Variants in AFG2A observed in about 807,000 individuals in gnomAD.
AFG2A encodes the protein AAA ATPase AFG2A, also known as ATPase family gene 2 protein homolog A.
At chr4:122,929,411 G>A in the AFG2A span, among the ~76,000 whole-genome samples, 1 of 152,218 alleles carries the variant, frequency 6.6e-6, no homozygotes, top group South Asian at 2.1e-4. Context: ...TTACCAATAA[G>A]GGCTGGGCGC....
chr4:123,146,491 G>A, the AFG2A span, among the ~76,000 whole-genome samples: 1 of 152,102 alleles, frequency 6.6e-6, no homozygotes, highest in Non-Finnish European at 1.5e-5. Flanking sequence ...AAAATTTTGA[G>A]GTTCTTGTAT....
chr4:122,980,559 G>A, the AFG2A span, among the ~76,000 whole-genome samples: 1 of 152,204 alleles, frequency 6.6e-6, no homozygotes, highest in Middle Eastern at 3.4e-3. Flanking sequence ...TTAATATTTT[G>A]AGGAACCACC....
the AFG2A span, among the ~76,000 whole-genome samples, chr4:123,144,691 A>G: frequency 6.6e-5 from 10 of 152,230 alleles, no homozygotes; most frequent in South Asian, 2.1e-4. Context: ...AAGTTGGGGG[A>G]AAAGTACTTG....
chr4:123,247,233 G>GTGTGTGTGTGTGTGTA, the AFG2A span, among the ~76,000 whole-genome samples: 1 of 151,850 alleles, frequency 6.6e-6, no homozygotes, highest in African/African-American at 2.4e-5. Flanking sequence ...GCGTGTGTGT[G>GTGTGTGTGTGTGTGTA]TGTGTGTGTG....
the AFG2A span, among the ~76,000 whole-genome samples, chr4:123,312,229 C>T: frequency 0.73 from 111,488 of 152,074 alleles, 41,658 homozygotes; most frequent in Non-Finnish European, 0.8. Flanking sequence ...AATAAATGTT[C>T]CCAACCATTA....
At chr4:122,979,903 CAA>C in the AFG2A span, among the ~76,000 whole-genome samples, 8 of 152,148 alleles carry the variant, frequency 5.3e-5, no homozygotes, top group African/African-American at 1.9e-4. Context: ...GTCTCAAAAA[CAA>C]AAAACAAAAC....
chr4:123,032,497 A>C, the AFG2A span, among the ~76,000 whole-genome samples: 7 of 152,246 alleles, frequency 4.6e-5, no homozygotes, highest in East Asian at 1.4e-3. Context: ...GGTTCAAGCA[A>C]TTCTCTGCCT....
the AFG2A span, among the ~76,000 whole-genome samples, chr4:123,224,928 T>C: frequency 6.6e-6 from 1 of 152,244 alleles, no homozygotes; most frequent in Admixed American, 6.5e-5. Flanking sequence ...TGGTATCTCA[T>C]TGTGGTTTTG....
At chr4:122,968,123 T>C in the AFG2A span, among the ~76,000 whole-genome samples, 3 of 152,182 alleles carry the variant, frequency 2.0e-5, no homozygotes, top group African/African-American at 7.2e-5. Context: ...ACCTTTGTTA[T>C]AATTGATGAG....
the AFG2A span, among the ~76,000 whole-genome samples, chr4:123,187,990 C>T: frequency 9.1e-6 from 1 of 109,420 alleles, no homozygotes. Flanking sequence ...AGAGTGAGGC[C>T]CTATCTCAAA....
At chr4:123,053,434 C>G in the AFG2A span, among the ~76,000 whole-genome samples, 3 of 152,346 alleles carry the variant, frequency 2.0e-5, no homozygotes, top group East Asian at 5.8e-4. Context: ...GGGCTGCTAA[C>G]TGCAGTGAGA....
the AFG2A span, chr4:122,935,817 A>G: frequency 1.9e-6 from 3 of 1,611,708 alleles, no homozygotes; most frequent in South Asian, 2.2e-5. Flanking sequence ...ATGTTTCTGT[A>G]ATTAATGGTC....
chr4:123,145,124 C>T, the AFG2A span, among the ~76,000 whole-genome samples: 40 of 152,094 alleles, frequency 2.6e-4, no homozygotes, highest in Non-Finnish European at 4.9e-4. Flanking sequence ...GAGGCTGTGC[C>T]TTGCATAGAG....
the AFG2A span, among the ~76,000 whole-genome samples, chr4:123,294,595 A>G: frequency 6.6e-6 from 1 of 152,228 alleles, no homozygotes; most frequent in South Asian, 2.1e-4. Flanking sequence ...TGTTGAAGCC[A>G]ACATGCCTGG....
chr4:123,050,212 T>A, the AFG2A span, among the ~76,000 whole-genome samples: 3 of 152,110 alleles, frequency 2.0e-5, no homozygotes, highest in African/African-American at 4.8e-5. Flanking sequence ...AGATTTATTT[T>A]GTGGTTAATG....
At chr4:123,254,045 T>G in the AFG2A span, among the ~76,000 whole-genome samples, 30,562 of 152,134 alleles carry the variant, frequency 0.2, 3,630 homozygotes, top group African/African-American at 0.32. Flanking sequence ...TTAGTCCAGT[T>G]ACTTTGGGTT....
At chr4:123,130,987 G>T in the AFG2A span, among the ~76,000 whole-genome samples, 3 of 151,790 alleles carry the variant, frequency 2.0e-5, no homozygotes, top group Non-Finnish European at 2.9e-5. Context: ...TCTTATTGTG[G>T]TTTTAATCTG....
chr4:123,184,584 T>G, the AFG2A span, among the ~76,000 whole-genome samples: 11 of 120,804 alleles, frequency 9.1e-5, no homozygotes, highest in African/African-American at 1.3e-4. Flanking sequence ...TCGCCCAGGC[T>G]GGAGTGCAGT....
At chr4:123,090,566 CT>C in the AFG2A span, 7 of 1,612,878 alleles carry the variant, frequency 4.3e-6, no homozygotes, top group Non-Finnish European at 5.9e-6. Flanking sequence ...TTAAACCGTA[CT>C]TTCAAAATCA....
Sources: gnomAD v4.1 joint callset for allele counts (sites outside exome capture counted in the v4.1 genomes callset) on GRCh38, gnomAD v4.1.1 for gene constraint, MANE v1.5 for transcripts, NCBI Gene and HGNC (gene_info 2026-07-23, HGNC 2026-07-21) for gene names.